SYT13: variants seen among roughly 807,000 people sequenced by gnomAD.
SYT13 encodes synaptotagmin-13.
A neutral mutation model predicts 38.6 loss-of-function variants in SYT13; 21 were observed. That is an observed-to-expected ratio of 0.54 (90% CI 0.39 to 0.78). The LOEUF (loss-of-function observed/expected upper bound fraction) is 0.78, where lower values mean the gene tolerates loss of function less well. Among genes scored for constraint, SYT13 ranks in the 30% least tolerant of loss-of-function variants. SYT13 has a pLI of 0.00. For missense variants in SYT13, 495 were observed against 548.7 expected (o/e 0.90, Z 0.98); for synonymous variants, 241 against 237.6 (o/e 1.01, Z -0.13).
chr11:45,284,083 A>G (rs892089706), intron 1 of SYT13, among the ~76,000 whole-genome samples: 9 of 152,226 alleles, frequency 5.9e-5, no homozygotes, highest in African/African-American at 2.2e-4. Context: ...GAAAGGCCAG[A>G]GAAAAATGAA....
intron 4 of SYT13, among the ~76,000 whole-genome samples, chr11:45,250,247 G>C (rs1854656489): frequency 6.6e-6 from 1 of 152,236 alleles, no homozygotes; most frequent in African/African-American, 2.4e-5. Context: ...GTGGTTGTGA[G>C]TACATATTTG....
chr11:45,273,048 G>T (rs1295050888), intron 1 of SYT13, among the ~76,000 whole-genome samples: 2 of 152,188 alleles, frequency 1.3e-5, no homozygotes, highest in Non-Finnish European at 2.9e-5. Context: ...CTATCAATAA[G>T]GGTTTTTGCA....
intron 1 of SYT13, among the ~76,000 whole-genome samples, chr11:45,278,354 C>T (rs1855033946): frequency 6.6e-6 from 1 of 152,112 alleles, no homozygotes; most frequent in African/African-American, 2.4e-5. Flanking sequence ...AAGGGACTGT[C>T]TCCACATATT....
Position 45,246,630 on chromosome 11 carries a change from C to T in SYT13, c.847-118G>A. 5 of 1,420,522 alleles carry T rather than the reference C, an allele frequency of 3.5e-6. 1 individual carries two copies. The South Asian group carries it at 5.6e-5, about 16-fold the overall frequency. 88.0% of individuals were successfully genotyped at this position (1,420,522 alleles called of 1,614,324 possible). A position where few individuals can be genotyped will look rare whatever the true frequency, so the allele number is the denominator to read the frequency against. On this transcript the variant is annotated intron_variant, in intron 4 of 5. Coordinates refer to ENST00000020926, the MANE Select transcript of SYT13 (RefSeq NM_020826.3). ...TGCATCCAACACGCATCCTTGAAAC[C>T]ATTTACCCGTCAATGCTGGGGTGTC...
At chr11:45,257,943 A>T (rs563576113) in intron 1 of SYT13, among the ~76,000 whole-genome samples, 4 of 152,364 alleles carry the variant, frequency 2.6e-5, no homozygotes, top group African/African-American at 9.6e-5. Flanking sequence ...AAGGAAACTG[A>T]GGCTCGGAGA....
At position 45,243,916 on chromosome 11, in the gene SYT13, G is replaced by T; in HGVS notation, c.*136C>A. The T allele has an allele frequency of 1.1e-6, 1 of 896,034 alleles. No homozygotes were observed. Among genetic ancestry groups the T allele is most frequent in the Non-Finnish European group, 1.7e-6 (1 of 585,776 alleles). The allele number at this position is 896,034 out of a possible 1,614,324, so 55.5% of individuals were successfully genotyped here. On this transcript the variant is annotated 3_prime_UTR_variant, in exon 6 of 6. Coordinates refer to ENST00000020926, the MANE Select transcript of SYT13 (RefSeq NM_020826.3). ...GCTTATTTCTAAGAAACAAGAGTAT[G>T]ATGAGAGAGCCATCCCAGCCTTGCA...
chr11:45,255,538 C>G, intron 2 of SYT13, 128 bp downstream of exon 2: 2 of 845,688 alleles, frequency 2.4e-6, no homozygotes, highest in Non-Finnish European at 3.6e-6. Flanking sequence ...CAGTGCCCAT[C>G]TGCTTGGCCA....
Position 45,242,841 on chromosome 11 carries a change from A to C in SYT13, c.*1211T>G, listed in dbSNP as rs1854568285. On this transcript the variant is annotated 3_prime_UTR_variant, in exon 6 of 6. Coordinates refer to ENST00000020926, the MANE Select transcript of SYT13 (RefSeq NM_020826.3). Reference sequence around the variant, plus strand: ...GGCTCATAATTTAGATTTAATTAACAATGTGGACATCTGTTTAGAATAACA... The same window carrying C: ...GGCTCATAATTTAGATTTAATTAACCATGTGGACATCTGTTTAGAATAACA... 1 of 152,200 alleles carries C rather than the reference A, an allele frequency of 6.6e-6. No homozygotes were observed. Among genetic ancestry groups the C allele is most frequent in the African/African-American group, 2.4e-5 (1 of 41,444 alleles). The allele number at this position is 152,200 out of a possible 1,614,324, so 9.4% of individuals were successfully genotyped here. A position where few individuals can be genotyped will look rare whatever the true frequency, so the allele number is the denominator to read the frequency against.
chr11:45,282,701 G>A (rs998581009), intron 1 of SYT13, among the ~76,000 whole-genome samples: 3 of 152,206 alleles, frequency 2.0e-5, no homozygotes, highest in East Asian at 1.9e-4. Flanking sequence ...TGGATGATAC[G>A]CTATGGTTTT....
chr11:45,283,221 C>T (rs1855094966), intron 1 of SYT13, among the ~76,000 whole-genome samples: 1 of 152,194 alleles, frequency 6.6e-6, no homozygotes, highest in African/African-American at 2.4e-5. Context: ...TTCATCCAGC[C>T]ATTCAGGGTC....
intron 1 of SYT13, among the ~76,000 whole-genome samples, chr11:45,272,849 G>C (rs1854967024): frequency 6.6e-6 from 1 of 152,226 alleles, no homozygotes; most frequent in Non-Finnish European, 1.5e-5. Context: ...CATCAGGCTA[G>C]ATGCTGAATC....
intron 1 of SYT13, among the ~76,000 whole-genome samples, chr11:45,263,081 CT>C (rs1854838971): frequency 1.3e-5 from 2 of 152,168 alleles, no homozygotes; most frequent in Non-Finnish European, 2.9e-5. Flanking sequence ...CTGGCTCCTG[CT>C]TCCTCATGAA....
intron 1 of SYT13, among the ~76,000 whole-genome samples, chr11:45,273,545 G>T (rs1854975454): frequency 6.6e-6 from 1 of 151,982 alleles, no homozygotes; most frequent in Non-Finnish European, 1.5e-5. Flanking sequence ...GCATTTAGGG[G>T]GTTCTGGAGG....
Position 45,267,029 on chromosome 11 carries a change from G to A in SYT13, c.184-11138C>T, listed in dbSNP as rs530477813. Among the ~76,000 whole-genome samples, 230 of 152,308 alleles carry A rather than the reference G, an allele frequency of 1.5e-3. 1 individual carries two copies. The highest frequency in any genetic ancestry group is 1.5e-3 in the Non-Finnish European group (105 of 68,018). On this transcript the variant is annotated intron_variant, in intron 1 of 5. Transcript: ENST00000020926. ...CCACCTTGTGGCCTTGTTTACCTGT[G>A]CCCTGCACTGTTCAAACATAAACTT...
At chr11:45,266,783 C>T (rs1854886724) in intron 1 of SYT13, among the ~76,000 whole-genome samples, 1 of 152,216 alleles carries the variant, frequency 6.6e-6, no homozygotes, top group Admixed American at 6.5e-5. Context: ...AAGGTTTGAT[C>T]TGTGCCCATT....
At chr11:45,278,365 C>T (rs567590270) in intron 1 of SYT13, among the ~76,000 whole-genome samples, 4 of 152,248 alleles carry the variant, frequency 2.6e-5, no homozygotes, top group South Asian at 2.1e-4. Flanking sequence ...TCCACATATT[C>T]GGATTGCTCT....
In SYT13 at chr11:45,286,188, A is replaced by G; in HGVS notation, c.20T>C (p.Val7Ala). The G allele has an allele frequency of 6.4e-7, 1 of 1,568,992 alleles. No individual in the cohort carries two copies. Among genetic ancestry groups the G allele is most frequent in the East Asian group, 2.3e-5 (1 of 43,562 alleles). MVLSVP[V>A]IALGATLGTA... ...GCCCAGCGTGGCGCCCAGCGCGATC[A>G]CAGGCACCGACAGCACCATGGTGCC... The change falls in exon 1 of 6, where the codon GTG becomes GCG. Residue 7 changes from valine to alanine, a missense_variant. Physicochemically the swap from Val to Ala is moderately conservative, Grantham distance 64 (BLOSUM62 0). Coordinates refer to ENST00000020926, the MANE Select transcript of SYT13 (RefSeq NM_020826.3).
chr11:45,285,264 T>C (rs1378505637), intron 1 of SYT13, among the ~76,000 whole-genome samples: 2 of 152,198 alleles, frequency 1.3e-5, no homozygotes, highest in African/African-American at 4.8e-5. Context: ...CTCTTTACAA[T>C]GGGAGCACGG....
chr11:45,249,471 T>C (rs568665320), intron 4 of SYT13, among the ~76,000 whole-genome samples: 32 of 152,346 alleles, frequency 2.1e-4, no homozygotes, highest in African/African-American at 7.7e-4. Context: ...TGCAGCACTA[T>C]TCACAATAGC....
Sources: allele counts gnomAD v4.1 joint callset (sites outside exome capture counted in the v4.1 genomes callset), GRCh38; gene constraint gnomAD v4.1.1; transcripts MANE v1.5; gene names NCBI Gene and HGNC (gene_info 2026-07-23, HGNC 2026-07-21).